GNA14: variants seen among roughly 807,000 people sequenced by gnomAD.
GNA14 encodes the protein G protein subunit alpha 14.
Under a neutral mutation model 42.0 loss-of-function variants are expected in GNA14, and 50 were observed. The observed-to-expected ratio is 1.19, with a 90% CI of 0.95 to 1.51. The LOEUF is 1.51. Among genes scored for constraint, GNA14 ranks in the 40% most tolerant of loss-of-function variants. The pLI is 0.00. For synonymous variants in GNA14, 173 were observed against 163.1 expected, an observed-to-expected ratio of 1.06 and a Z score of -0.46; for missense variants, 473 against 446.2, an observed-to-expected ratio of 1.06 and a Z score of -0.54.
chr9:77,525,858 C>T (rs1260119119), intron 2 of GNA14, among the ~76,000 whole-genome samples: 1 of 148,608 alleles, frequency 6.7e-6, no homozygotes, highest in Admixed American at 6.8e-5. Flanking sequence ...ATGGTTTGTA[C>T]CCAGAATCTC....
At chr9:77,587,725 CTG>C (rs1252309744) in intron 1 of GNA14, among the ~76,000 whole-genome samples, 1 of 152,186 alleles carries the variant, frequency 6.6e-6, no homozygotes, top group Non-Finnish European at 1.5e-5. Flanking sequence ...TTGCATAGTA[CTG>C]TGAATGTACT....
chr9:77,603,173 T>G (rs748919883), intron 1 of GNA14, among the ~76,000 whole-genome samples: 7 of 152,226 alleles, frequency 4.6e-5, no homozygotes, highest in Non-Finnish European at 1.0e-4. Context: ...CAATTATGTT[T>G]ATATTAAAAC....
At chr9:77,526,987 G>A (rs972842864) in intron 2 of GNA14, among the ~76,000 whole-genome samples, 9 of 152,184 alleles carry the variant, frequency 5.9e-5, no homozygotes, top group Admixed American at 3.9e-4. Context: ...TAACTAAGCT[G>A]ATTAGGTTTT....
intron 2 of GNA14, among the ~76,000 whole-genome samples, chr9:77,436,883 A>G (rs548222204): frequency 6.6e-6 from 1 of 152,356 alleles, no homozygotes; most frequent in African/African-American, 2.4e-5. Flanking sequence ...ACAGAAAATT[A>G]TGACAAAATA....
At chr9:77,603,948 A>C (rs1259292402) in intron 1 of GNA14, among the ~76,000 whole-genome samples, 15 of 124,712 alleles carry the variant, frequency 1.2e-4, no homozygotes, top group African/African-American at 4.4e-4. Flanking sequence ...CATCTCAAAA[A>C]AAAAAAACAA....
chr9:77,563,425 T>G (rs1218605938), intron 1 of GNA14, among the ~76,000 whole-genome samples: 1 of 152,200 alleles, frequency 6.6e-6, no homozygotes, highest in Non-Finnish European at 1.5e-5. Flanking sequence ...AGATAATGGC[T>G]GTAAGTCTTG....
intron 2 of GNA14, among the ~76,000 whole-genome samples, chr9:77,477,199 A>G (rs1330872167): frequency 6.6e-6 from 1 of 152,072 alleles, no homozygotes; most frequent in Non-Finnish European, 1.5e-5. Flanking sequence ...TCTACTAAAA[A>G]TACAAAAATT....
chr9:77,476,555 G>A (rs1284217812), intron 2 of GNA14, among the ~76,000 whole-genome samples: 1 of 152,206 alleles, frequency 6.6e-6, no homozygotes, highest in Non-Finnish European at 1.5e-5. Flanking sequence ...GGGAGGCAGT[G>A]TGAAAAGAAT....
chr9:77,490,298 A>G (rs1053709413), intron 2 of GNA14, among the ~76,000 whole-genome samples: 1 of 152,236 alleles, frequency 6.6e-6, no homozygotes, highest in Non-Finnish European at 1.5e-5. Flanking sequence ...TCCCTACCAG[A>G]CTCAGGAGCC....
At chr9:77,607,388 G>A (rs957629672) in intron 1 of GNA14, among the ~76,000 whole-genome samples, 1 of 152,186 alleles carries the variant, frequency 6.6e-6, no homozygotes, top group Non-Finnish European at 1.5e-5. Context: ...GAGGCTTGAT[G>A]GAACCACTGT....
chr9:77,425,774 T>C lies in GNA14; in HGVS notation c.724-59A>G, dbSNP rs1182241465. 8 of 1,224,734 alleles carry C rather than the reference T, an allele frequency of 6.5e-6. No individual in the cohort carries two copies. In the African/African-American group the frequency reaches 1.2e-4, roughly 19 times the overall value. The allele number at this position is 1,224,734 out of a possible 1,614,324, so 75.9% of individuals were successfully genotyped here. A position where few individuals can be genotyped will look rare whatever the true frequency, so the allele number is the denominator to read the frequency against. The stretch of plus-strand genomic sequence containing the variant: ...GAAAGGAAATATTTTGGAAACAACA[T>C]GGCGCATTGCCAGTCCATCCATCTC... On this transcript the variant is annotated intron_variant, in intron 5 of 6. Transcript: ENST00000341700.
At chr9:77,571,265 G>T in intron 1 of GNA14, among the ~76,000 whole-genome samples, 1 of 152,186 alleles carries the variant, frequency 6.6e-6, no homozygotes, top group East Asian at 1.9e-4. Context: ...CACAAGTAAG[G>T]CTGAGATAAG....
chr9:77,569,505 C>T (rs1050608337), intron 1 of GNA14, among the ~76,000 whole-genome samples: 12 of 152,168 alleles, frequency 7.9e-5, no homozygotes. Flanking sequence ...AAGATGGACA[C>T]AGCTCCTGCT....
At chr9:77,630,414 G>A (rs1463113071) in intron 1 of GNA14, among the ~76,000 whole-genome samples, 1 of 152,064 alleles carries the variant, frequency 6.6e-6, no homozygotes, top group Admixed American at 6.6e-5. Context: ...CACCATGCCT[G>A]GCCAAGAGAG....
chr9:77,570,809 C>A (rs1011793987), intron 1 of GNA14, among the ~76,000 whole-genome samples: 1 of 152,092 alleles, frequency 6.6e-6, no homozygotes, highest in Non-Finnish European at 1.5e-5. Flanking sequence ...TGTGGAATTA[C>A]CACAGTGTTT....
intron 1 of GNA14, among the ~76,000 whole-genome samples, chr9:77,601,799 G>C (rs1384613697): frequency 6.6e-6 from 1 of 152,166 alleles, no homozygotes; most frequent in African/African-American, 2.4e-5. Flanking sequence ...GCTCTTAGTT[G>C]GAAGGGTTTC....
chr9:77,639,597 G>A (rs1824228212), intron 1 of GNA14, among the ~76,000 whole-genome samples: 1 of 152,218 alleles, frequency 6.6e-6, no homozygotes, highest in African/African-American at 2.4e-5. Flanking sequence ...GTGATTTGCA[G>A]CTCTGCTGTG....
At chr9:77,592,295 GGTGT>G (rs892451652) in intron 1 of GNA14, among the ~76,000 whole-genome samples, 13 of 152,134 alleles carry the variant, frequency 8.5e-5, no homozygotes, top group Non-Finnish European at 2.9e-5. Flanking sequence ...GTAATTGTGT[GGTGT>G]GTGTGTGTGC....
chr9:77,618,975 T>C (rs1052395176), intron 1 of GNA14, among the ~76,000 whole-genome samples: 9 of 151,944 alleles, frequency 5.9e-5, no homozygotes, highest in Non-Finnish European at 1.2e-4. Context: ...ATATTAACAA[T>C]AATTTTACAT....
Sources: gnomAD v4.1 joint callset for allele counts (sites outside exome capture counted in the v4.1 genomes callset) on GRCh38, gnomAD v4.1.1 for gene constraint, MANE v1.5 for transcripts, NCBI Gene and HGNC (gene_info 2026-07-23, HGNC 2026-07-21) for gene names.